NCKAP5: variants seen among roughly 807,000 people sequenced by gnomAD.
The protein encoded by NCKAP5 is NCK associated protein 5.
Under a neutral mutation model 167.0 loss-of-function variants are expected in NCKAP5, and 92 were observed. The observed-to-expected ratio is 0.55, with a 90% CI of 0.47 to 0.66. The LOEUF (loss-of-function observed/expected upper bound fraction) is 0.66, where lower values mean the gene tolerates loss of function less well. Ranked by LOEUF, NCKAP5 falls within the 30% of genes least tolerant of loss-of-function variation. NCKAP5 has a pLI of 0.00. For missense variants in NCKAP5, 2,378 were observed against 2,315.0 expected (o/e 1.03, Z -0.56); for synonymous variants, 891 against 877.4 (o/e 1.02, Z -0.27).
intron 4 of NCKAP5, among the ~76,000 whole-genome samples, chr2:133,280,367 A>G (rs535471189): frequency 6.6e-6 from 1 of 152,294 alleles, no homozygotes. Flanking sequence ...ACCCTAGCAT[A>G]GGGATAGTTT....
At chr2:132,908,902 G>A (rs1384468789) in intron 8 of NCKAP5, among the ~76,000 whole-genome samples, 1 of 152,132 alleles carries the variant, frequency 6.6e-6, no homozygotes, top group Non-Finnish European at 1.5e-5. Context: ...TTACAATTAC[G>A]AATCTTTCCA....
chr2:133,637,852 T>A, the NCKAP5 span, among the ~76,000 whole-genome samples: 1 of 152,154 alleles, frequency 6.6e-6, no homozygotes, highest in African/African-American at 2.4e-5. Context: ...AAACCATAAA[T>A]TTTTAGATTC....
At chr2:133,589,794 C>T in the NCKAP5 span, among the ~76,000 whole-genome samples, 5 of 152,158 alleles carry the variant, frequency 3.3e-5, no homozygotes, top group Non-Finnish European at 7.3e-5. Flanking sequence ...TGACAGCCTA[C>T]GGGTGCCAGG....
chr2:133,505,182 C>T (rs1380625213), intron 3 of NCKAP5, among the ~76,000 whole-genome samples: 2 of 151,988 alleles, frequency 1.3e-5, no homozygotes, highest in Non-Finnish European at 2.9e-5. Flanking sequence ...GAGCAAGAGG[C>T]CAAGATTTCC....
At chr2:133,447,094 T>C (rs4459781) in intron 3 of NCKAP5, among the ~76,000 whole-genome samples, 43,896 of 151,738 alleles carry the variant, frequency 0.29, 6,697 homozygotes, top group African/African-American at 0.35. Context: ...CCAGGAAATG[T>C]GCGTAAAAGG....
the NCKAP5 span, among the ~76,000 whole-genome samples, chr2:133,578,021 T>C: frequency 6.6e-6 from 1 of 152,182 alleles, no homozygotes; most frequent in Admixed American, 6.5e-5. Context: ...TTGGTCACCC[T>C]AAGCCTACTA....
intron 3 of NCKAP5, among the ~76,000 whole-genome samples, chr2:133,507,797 G>A (rs1364299121): frequency 1.3e-5 from 2 of 152,186 alleles, no homozygotes; most frequent in African/African-American, 4.8e-5. Context: ...TGGTTAAAGT[G>A]AGCCAGAGGA....
the NCKAP5 span, among the ~76,000 whole-genome samples, chr2:133,670,960 A>G: frequency 6.6e-6 from 1 of 152,180 alleles, no homozygotes; most frequent in Non-Finnish European, 1.5e-5. Context: ...TCACGCCTGT[A>G]ATCCCAGCAC....
In NCKAP5 at chr2:133,171,039, A is replaced by G. The variant is rs149853403; in HGVS notation, c.208-40928T>C. Among the ~76,000 whole-genome samples the G allele has an allele frequency of 1.5e-3, 233 of 152,352 alleles. 8 individuals carry two copies. Among genetic ancestry groups the G allele is most frequent in the Admixed American group, 0.013 (205 of 15,306 alleles). ...GATACTGACAATTTTTGAAGAGACT[A>G]TCTGAAGCAAAATGTAATAATCTAA... On this transcript the variant is annotated intron_variant, in intron 5 of 19. Transcript: ENST00000409261.
At chr2:133,631,864 T>A in the NCKAP5 span, among the ~76,000 whole-genome samples, 1 of 152,176 alleles carries the variant, frequency 6.6e-6, no homozygotes, top group African/African-American at 2.4e-5. Context: ...CTCTTGGGCT[T>A]TACTGGGGTG....
At chr2:133,001,443 C>T (rs1026395571) in intron 6 of NCKAP5, among the ~76,000 whole-genome samples, 1 of 152,114 alleles carries the variant, frequency 6.6e-6, no homozygotes, top group African/African-American at 2.4e-5. Context: ...TGGCCTCGAA[C>T]TCCTGAGCTT....
At chr2:133,547,709 A>G (rs1288752340) in intron 2 of NCKAP5, among the ~76,000 whole-genome samples, 1 of 150,134 alleles carries the variant, frequency 6.7e-6, no homozygotes. Context: ...AAGGACATCC[A>G]CATCGAAAAC....
At chr2:132,772,334 T>A (rs1048242199) in intron 16 of NCKAP5, among the ~76,000 whole-genome samples, 5 of 152,228 alleles carry the variant, frequency 3.3e-5, no homozygotes, top group African/African-American at 1.2e-4. Context: ...AGTAAATTTT[T>A]AATTTTATCT....
intron 6 of NCKAP5, among the ~76,000 whole-genome samples, chr2:133,011,597 A>G (rs2078162674): frequency 6.6e-6 from 1 of 152,222 alleles, no homozygotes. Context: ...GAGTAAATCA[A>G]TTGTCAATCT....
At chr2:132,815,309 A>G (rs4953994) in intron 11 of NCKAP5, among the ~76,000 whole-genome samples, 6,182 of 152,276 alleles carry the variant, frequency 0.041, 280 homozygotes, top group East Asian at 0.13. Flanking sequence ...TGAGCATTAT[A>G]GAGAGAAGAA....
At chr2:133,489,429 C>T (rs1681242653) in intron 3 of NCKAP5, among the ~76,000 whole-genome samples, 1 of 152,144 alleles carries the variant, frequency 6.6e-6, no homozygotes. Context: ...TCGGAGAATA[C>T]ACAGTCATCC....
intron 2 of NCKAP5, among the ~76,000 whole-genome samples, chr2:133,543,699 A>C (rs1365880303): frequency 6.6e-6 from 1 of 152,104 alleles, no homozygotes; most frequent in Non-Finnish European, 1.5e-5. Flanking sequence ...TACAAAATCT[A>C]CCAAATTTGG....
chr2:133,385,315 T>C (rs1026442726), intron 3 of NCKAP5, among the ~76,000 whole-genome samples: 56 of 152,342 alleles, frequency 3.7e-4, no homozygotes, highest in Admixed American at 6.5e-4. Context: ...CATGTGGTTT[T>C]TGTCTTTGGT....
At chr2:133,051,781 G>C (rs536392110) in intron 6 of NCKAP5, among the ~76,000 whole-genome samples, 59 of 152,312 alleles carry the variant, frequency 3.9e-4, no homozygotes, top group African/African-American at 1.3e-3. Context: ...TATCAAAAAT[G>C]TTTAAGCATG....
Sources: gnomAD v4.1 joint callset for allele counts (sites outside exome capture counted in the v4.1 genomes callset) on GRCh38, gnomAD v4.1.1 for gene constraint, MANE v1.5 for transcripts, NCBI Gene and HGNC (gene_info 2026-07-23, HGNC 2026-07-21) for gene names.